The following ZNF611 variants were observed in gnomAD, a reference collection of about 807,000 sequenced individuals.
The protein encoded by ZNF611 is zinc finger protein 611.
In ZNF611, 6 loss-of-function variants were observed where a neutral mutation model predicts 8.9. The ratio of observed to expected loss-of-function variants is 0.68; its 90% confidence interval spans 0.37 to 1.34. The LOEUF (loss-of-function observed/expected upper bound fraction) is 1.34, where lower values mean the gene tolerates loss of function less well. Ranked by LOEUF, ZNF611 falls within the 40% of genes most tolerant of loss-of-function variation. The pLI is 0.02. For missense variants in ZNF611, 874 were observed against 841.3 expected (o/e 1.04, Z -0.48); for synonymous variants, 262 against 279.7 (o/e 0.94, Z 0.63).
rs575256378 is a variant in ZNF611 at position 52,711,021 on chromosome 19, G to C, written c.190+2994C>G. Among the ~76,000 whole-genome samples the C allele has an allele frequency of 2.7e-5, 4 of 148,050 alleles. No individual in the cohort carries two copies. In the South Asian group the frequency reaches 8.7e-4, roughly 32 times the overall value. On this transcript the variant is annotated intron_variant, in intron 5 of 5. Transcript: ENST00000652185. ...GCAGTCCAGCCTGGGCAACAAGAGGGAAACTCCATTTAAAAAAAAAAAAAA... is the reference window on the plus strand; with the variant it reads ...GCAGTCCAGCCTGGGCAACAAGAGGCAAACTCCATTTAAAAAAAAAAAAAA...
intron 3 of ZNF611, among the ~76,000 whole-genome samples, chr19:52,716,525 C>T (rs1294493099): frequency 6.6e-6 from 1 of 152,180 alleles, no homozygotes; most frequent in Non-Finnish European, 1.5e-5. Context: ...AGGATCCAGA[C>T]AGTGGATGAC....
At chr19:52,727,408 A>G (rs368289722) in intron 3 of ZNF611, among the ~76,000 whole-genome samples, 29 of 152,202 alleles carry the variant, frequency 1.9e-4, no homozygotes, top group African/African-American at 6.5e-4. Flanking sequence ...TGTTTTCAAG[A>G]TAAACACTAA....
At chr19:52,731,343 A>C (rs1450269481) in intron 1 of ZNF611, among the ~76,000 whole-genome samples, 1 of 151,970 alleles carries the variant, frequency 6.6e-6, no homozygotes, top group Admixed American at 6.6e-5. Context: ...GGCATGAGCC[A>C]CCACGCCTGG....
chr19:52,706,976 A>G, intron 5 of ZNF611, 112 bp from the exon 6 acceptor site: 1 of 1,482,384 alleles, frequency 6.7e-7, no homozygotes, highest in Non-Finnish European at 9.0e-7. Flanking sequence ...CCCAAACATC[A>G]TCTTCAAAGT....
intron 4 of ZNF611, among the ~76,000 whole-genome samples, chr19:52,714,531 T>TACAAAA (rs2062302141): frequency 6.6e-6 from 1 of 150,724 alleles, no homozygotes; most frequent in Non-Finnish European, 1.5e-5. Flanking sequence ...CTCCTAAAAA[T>TACAAAA]ATAAAAATTA....
intron 5 of ZNF611, among the ~76,000 whole-genome samples, chr19:52,709,948 G>A (rs957783588): frequency 1.6e-4 from 25 of 152,210 alleles, no homozygotes; most frequent in Admixed American, 4.6e-4. Context: ...ACGGCAGGAA[G>A]ACGGCTGGGC....
chr19:52,726,195 CTG>C (rs1444232726), intron 3 of ZNF611, among the ~76,000 whole-genome samples: 1 of 151,996 alleles, frequency 6.6e-6, no homozygotes, highest in Non-Finnish European at 1.5e-5. Context: ...GGATGCGGGA[CTG>C]GGTGCTCAGG....
At chr19:52,715,756 A>G (rs958772091) in intron 4 of ZNF611, 76 bp downstream of exon 4, 2 of 1,591,120 alleles carry the variant, frequency 1.3e-6, no homozygotes, top group Admixed American at 3.4e-5. Context: ...CAGACTCAGA[A>G]AAGACTGGCT....
At chr19:52,716,964 C>T (rs1410416525) in intron 3 of ZNF611, among the ~76,000 whole-genome samples, 1 of 151,814 alleles carries the variant, frequency 6.6e-6, no homozygotes, top group African/African-American at 2.4e-5. Context: ...ACCCAGGAGG[C>T]AGAGGTTGCA....
chr19:52,720,053 G>GACAC (rs898583343), intron 3 of ZNF611, among the ~76,000 whole-genome samples: 1 of 76,718 alleles, frequency 1.3e-5, no homozygotes, highest in African/African-American at 1.1e-4. Flanking sequence ...ACCCTGAGTT[G>GACAC]ACACAGCACG....
In ZNF611 at chr19:52,706,613, C is replaced by T. The variant is rs1259943136; in HGVS notation, c.442G>A (p.Gly148Arg). Residue 148 changes from glycine (G) to arginine (R), a missense_variant, in exon 6 of 6, where the codon GGA becomes AGA. Coordinates refer to ENST00000652185, the MANE Select transcript of ZNF611 (RefSeq NM_001161499.2). The part of the protein sequence containing the change: ...STDQHDHRHA[G>R]NKPIKDQLGS... Reference sequence around the variant, plus strand: ...AGCTGATCTTTAATAGGCTTGTTTCCAGCATGCCTGTGATCATGTTGGTCT... The same window carrying T: ...AGCTGATCTTTAATAGGCTTGTTTCTAGCATGCCTGTGATCATGTTGGTCT... 2 of 1,613,984 alleles carry T rather than the reference C, an allele frequency of 1.2e-6. No homozygotes were observed. Among genetic ancestry groups the T allele is most frequent in the Non-Finnish European group, 1.7e-6 (2 of 1,179,988 alleles).
intron 3 of ZNF611, among the ~76,000 whole-genome samples, chr19:52,717,910 T>C (rs1242487284): frequency 6.6e-6 from 1 of 152,200 alleles, no homozygotes; most frequent in African/African-American, 2.4e-5. Flanking sequence ...ACGTTTTCGA[T>C]ATATGATAAA....
chr19:52,731,325 G>A (rs1427210747), intron 1 of ZNF611, among the ~76,000 whole-genome samples: 1 of 152,018 alleles, frequency 6.6e-6, no homozygotes, highest in Non-Finnish European at 1.5e-5. Context: ...CAAAGTGCTA[G>A]GATTACAGGC....
chr19:52,733,879 T>A (rs565336532), intron 1 of ZNF611, among the ~76,000 whole-genome samples: 1 of 151,984 alleles, frequency 6.6e-6, no homozygotes, highest in Admixed American at 6.6e-5. Flanking sequence ...CTGCCTCTTC[T>A]CCCATCTCTG....
chr19:52,724,554 T>C (rs2062379772), intron 3 of ZNF611: 1 of 152,308 alleles, frequency 6.6e-6, no homozygotes, highest in African/African-American at 2.4e-5. Flanking sequence ...CCAAACCTTA[T>C]TTAACCTCTT....
At chr19:52,724,767 C>T (rs1290644538) in intron 3 of ZNF611, 1 of 152,882 alleles carries the variant, frequency 6.5e-6, no homozygotes, top group African/African-American at 2.4e-5. Flanking sequence ...ACCAGCACCA[C>T]TCTGCTCTGT....
chr19:52,713,285 G>A (rs56157378), intron 5 of ZNF611, among the ~76,000 whole-genome samples: 41,063 of 152,066 alleles, frequency 0.27, 5,537 homozygotes, highest in Middle Eastern at 0.35. Context: ...CTAAACAATG[G>A]AAACCTCATT....
intron 3 of ZNF611, among the ~76,000 whole-genome samples, chr19:52,726,573 G>A (rs564126912): frequency 2.0e-5 from 3 of 151,940 alleles, no homozygotes; most frequent in Admixed American, 6.6e-5. Flanking sequence ...TGCCCGCCAC[G>A]ATGCCCGGCT....
intron 3 of ZNF611, 117 bp from the exon 4 acceptor site, chr19:52,716,030 G>A (rs2147429903): frequency 1.8e-6 from 2 of 1,138,040 alleles, no homozygotes; most frequent in African/African-American, 1.5e-5. Flanking sequence ...ACTGCCCACT[G>A]CACCAGAGAT....
Sources: gnomAD v4.1 joint callset for allele counts (sites outside exome capture counted in the v4.1 genomes callset) on GRCh38, gnomAD v4.1.1 for gene constraint, MANE v1.5 for transcripts, NCBI Gene and HGNC (gene_info 2026-07-23, HGNC 2026-07-21) for gene names.